Variants in NDUFA10 observed in about 807,000 individuals in gnomAD.
NDUFA10 encodes NADH dehydrogenase [ubiquinone] 1 alpha subcomplex subunit 10, mitochondrial.
A neutral mutation model predicts 47.8 loss-of-function variants in NDUFA10; 40 were observed. The observed-to-expected ratio is 0.84, with a 90% CI of 0.65 to 1.09. The LOEUF (loss-of-function observed/expected upper bound fraction) is 1.09, where lower values mean the gene tolerates loss of function less well. NDUFA10 is among the 50% of genes least tolerant of loss of function. The pLI is 0.00. For missense variants in NDUFA10, 413 were observed against 451.1 expected (o/e 0.92, Z 0.76); for synonymous variants, 183 against 172.2 (o/e 1.06, Z -0.49).
At chr2:240,022,096 A>G in intron 2 of NDUFA10, 76 bp downstream of exon 2, 4 of 1,314,908 alleles carry the variant, frequency 3.0e-6, no homozygotes, top group Non-Finnish European at 4.2e-6. Flanking sequence ...TAATATTAAT[A>G]TTGAAGAAAA....
At chr2:239,971,003 G>A (rs1259779182) in intron 9 of NDUFA10, among the ~76,000 whole-genome samples, 1 of 152,162 alleles carries the variant, frequency 6.6e-6, no homozygotes, top group East Asian at 1.9e-4. Context: ...TCATTTTTAT[G>A]GACAAGCTTC....
chr2:239,968,562 G>A (rs1338215671), intron 9 of NDUFA10, among the ~76,000 whole-genome samples: 2 of 152,184 alleles, frequency 1.3e-5, no homozygotes, highest in Non-Finnish European at 2.9e-5. Flanking sequence ...AGAAACTGGA[G>A]AAACTGAGTC....
chr2:239,932,603 G>A (rs573605975), intron 4 of NDUFA10, among the ~76,000 whole-genome samples: 8 of 151,104 alleles, frequency 5.3e-5, no homozygotes, highest in African/African-American at 9.7e-5. Context: ...TTTTTGAGAC[G>A]GAGTCTCGCT....
intron 4 of NDUFA10, among the ~76,000 whole-genome samples, chr2:239,908,157 A>T (rs1693688849): frequency 6.6e-6 from 1 of 152,134 alleles, no homozygotes; most frequent in African/African-American, 2.4e-5. Flanking sequence ...ACAGAAAACC[A>T]AACACTGCAT....
intron 9 of NDUFA10, chr2:239,983,721 GAGAAAC>G (rs1255175719): frequency 1.2e-5 from 19 of 1,562,288 alleles, no homozygotes; most frequent in African/African-American, 6.8e-5. Context: ...CTAATCGCTA[GAGAAAC>G]ATCGGGCAAC....
At chr2:239,922,508 G>C (rs903433440) in intron 4 of NDUFA10, among the ~76,000 whole-genome samples, 1 of 152,198 alleles carries the variant, frequency 6.6e-6, no homozygotes, top group Non-Finnish European at 1.5e-5. Flanking sequence ...TGTCTTTCTC[G>C]GATAGTGACC....
chr2:239,926,042 G>A (rs1172771781), intron 4 of NDUFA10, among the ~76,000 whole-genome samples: 1 of 152,168 alleles, frequency 6.6e-6, no homozygotes, highest in East Asian at 1.9e-4. Flanking sequence ...CATCATTGGT[G>A]GGAATGTAAG....
At chr2:239,897,882 C>T (rs72999704) in intron 4 of NDUFA10, among the ~76,000 whole-genome samples, 19,270 of 152,278 alleles carry the variant, frequency 0.13, 1,340 homozygotes, top group South Asian at 0.18. Context: ...CAGAAGCACG[C>T]GCATCCCCTG....
intron 8 of NDUFA10, among the ~76,000 whole-genome samples, chr2:239,992,472 T>C (rs1422925090): frequency 6.6e-6 from 1 of 152,242 alleles, no homozygotes; most frequent in Non-Finnish European, 1.5e-5. Context: ...TTCTCCTGAA[T>C]TGCAAAGTTC....
At chr2:240,011,975 C>T (rs1044372216) in intron 5 of NDUFA10, 4 of 425,910 alleles carry the variant, frequency 9.4e-6, no homozygotes, top group Non-Finnish European at 1.3e-5. Context: ...ATGCCTGTTA[C>T]GAAGCAGCAC....
rs1271719118 is a variant in NDUFA10, at chr2:240,016,593, C to A, written c.548-1733G>T. ...AGCACATGTGACACCAACAACCAAC[C>A]CTCCCCACATCCCCTCTGCTTCCTC... On this transcript the variant is annotated intron_variant, in intron 4 of 9. Transcript: ENST00000252711. This position sits in a 1 kb window ranked among gnomAD's most constrained non-coding sequence, Gnocchi z 4.4. 2.0e-5 allele frequency among the ~76,000 whole-genome samples: 3 copies of A among 152,144 alleles called. No homozygotes were observed. Among genetic ancestry groups the A allele is most frequent in the Non-Finnish European group, 4.4e-5 (3 of 68,028 alleles).
At chr2:239,929,701 T>C (rs1305173511) in intron 4 of NDUFA10, among the ~76,000 whole-genome samples, 141 of 78,546 alleles carry the variant, frequency 1.8e-3, no homozygotes, top group East Asian at 2.3e-3. Context: ...CCTCCACTGC[T>C]CTTGCTCCTC....
chr2:239,908,966 C>G (rs1458395562), intron 4 of NDUFA10, among the ~76,000 whole-genome samples: 1 of 152,184 alleles, frequency 6.6e-6, no homozygotes, highest in Non-Finnish European at 1.5e-5. Flanking sequence ...CTCTGGGCAG[C>G]TAACTCGAAG....
chr2:239,912,274 G>A (rs546836774), intron 4 of NDUFA10, among the ~76,000 whole-genome samples: 28 of 152,142 alleles, frequency 1.8e-4, no homozygotes, highest in Non-Finnish European at 3.4e-4. Flanking sequence ...CCAGGATTCT[G>A]GCTAGGCTCC....
At chr2:239,931,183 C>T (rs772420512) in intron 4 of NDUFA10, among the ~76,000 whole-genome samples, 12 of 152,284 alleles carry the variant, frequency 7.9e-5, no homozygotes, top group East Asian at 3.9e-4. Context: ...TGGGGCAGAC[C>T]GGCTTAATCC....
chr2:239,969,626 T>C (rs750084013), intron 9 of NDUFA10: 2 of 470,944 alleles, frequency 4.2e-6, no homozygotes, highest in Non-Finnish European at 8.8e-6. Context: ...TTTCTTCCTG[T>C]CTCTTGTCAC....
At chr2:239,952,656 T>C (rs1246383013), downstream of NDUFA10, among the ~76,000 whole-genome samples, 1 of 151,674 alleles carries the variant, frequency 6.6e-6, no homozygotes, top group Non-Finnish European at 1.5e-5. Context: ...GTGCCAGACA[T>C]GGCTATGGAG....
intron 5 of NDUFA10, among the ~76,000 whole-genome samples, chr2:239,893,005 G>A (rs1030087712): frequency 6.6e-6 from 1 of 152,136 alleles, no homozygotes; most frequent in Non-Finnish European, 1.5e-5. Context: ...GAACGCCTAC[G>A]TGGAGAGGCT....
chr2:239,926,961 T>C (rs6728949), intron 4 of NDUFA10, among the ~76,000 whole-genome samples: 120,361 of 152,064 alleles, frequency 0.79, 48,070 homozygotes, highest in African/African-American at 0.91. Flanking sequence ...GGGGAGCTTC[T>C]CTTTATAAAA....
Sources: allele counts gnomAD v4.1 joint callset (sites outside exome capture counted in the v4.1 genomes callset), GRCh38; gene constraint gnomAD v4.1.1; non-coding constraint Gnocchi (gnomAD v3.1); transcripts MANE v1.5; gene names NCBI Gene and HGNC (gene_info 2026-07-23, HGNC 2026-07-21).